Variants in DCLK1 observed in about 807,000 individuals in gnomAD.
DCLK1 encodes doublecortin like kinase 1.
In DCLK1, 16 loss-of-function variants were observed where a neutral mutation model predicts 86.2. That is an observed-to-expected ratio of 0.19 (90% CI 0.13 to 0.28). DCLK1 has a LOEUF of 0.28. DCLK1 is among the 10% of genes least tolerant of loss of function. The pLI is 1.00. For missense variants in DCLK1, 590 were observed against 940.2 expected (o/e 0.63, Z 4.87); for synonymous variants, 369 against 370.5 (o/e 1.00, Z 0.05).
intron 3 of DCLK1, among the ~76,000 whole-genome samples, chr13:36,006,976 TA>T (rs1881000589): frequency 6.6e-6 from 1 of 152,240 alleles, no homozygotes; most frequent in South Asian, 2.1e-4. Flanking sequence ...ATTCATAACA[TA>T]ATGCTTTCAA....
In DCLK1 at chr13:35,770,670, A is replaced by G. The variant is rs2086314767; in HGVS notation, c.*3865T>C. On this transcript the variant is annotated 3_prime_UTR_variant, in exon 17 of 17. Coordinates refer to ENST00000360631, the MANE Select transcript of DCLK1 (RefSeq NM_001330071.2). ...AAAAAATTATTGACTTACAAATTATAGAAAAGATATGTTATCTACAATATA... is the reference window on the plus strand; with the variant it reads ...AAAAAATTATTGACTTACAAATTATGGAAAAGATATGTTATCTACAATATA... 3 of 152,248 alleles carry G rather than the reference A, an allele frequency of 2.0e-5. No individual in the cohort carries two copies. In the South Asian group the frequency reaches 6.2e-4, roughly 31 times the overall value. The allele number at this position is 152,248 out of a possible 1,614,324, so 9.4% of individuals were successfully genotyped here.
At chr13:36,123,324 T>C (rs1351471121) in intron 2 of DCLK1, among the ~76,000 whole-genome samples, 2 of 152,212 alleles carry the variant, frequency 1.3e-5, no homozygotes, top group Non-Finnish European at 2.9e-5. Context: ...TGCATGCTAA[T>C]TGTCAGTGTT....
chr13:36,088,698 C>T (rs1049789660), intron 3 of DCLK1, among the ~76,000 whole-genome samples: 14 of 152,268 alleles, frequency 9.2e-5, no homozygotes, highest in Middle Eastern at 3.4e-3. Flanking sequence ...TCCCGATGTA[C>T]CTTGAGATTC....
intron 4 of DCLK1, among the ~76,000 whole-genome samples, chr13:35,902,794 A>G (rs1251203389): frequency 2.0e-5 from 3 of 152,104 alleles, no homozygotes; most frequent in Non-Finnish European, 4.4e-5. Context: ...AGCCCCCGAA[A>G]CAGTGACAAC....
intron 16 of DCLK1, among the ~76,000 whole-genome samples, chr13:35,776,400 A>G (rs1247647003): frequency 1.3e-5 from 2 of 152,204 alleles, no homozygotes; most frequent in Non-Finnish European, 2.9e-5. Context: ...GCCATAAAAA[A>G]TCTTTCTATT....
intron 3 of DCLK1, among the ~76,000 whole-genome samples, chr13:35,949,176 T>C (rs1003208065): frequency 2.0e-5 from 3 of 152,212 alleles, no homozygotes; most frequent in Admixed American, 6.5e-5. Flanking sequence ...GATTAATACG[T>C]TTTGTGCAAA....
chr13:35,878,444 C>T (rs1486789001), intron 4 of DCLK1, among the ~76,000 whole-genome samples: 2 of 151,820 alleles, frequency 1.3e-5, no homozygotes, highest in Admixed American at 6.6e-5. Flanking sequence ...CCCCAAGCTC[C>T]ACACGCAGCA....
intron 4 of DCLK1, among the ~76,000 whole-genome samples, chr13:35,943,349 C>T (rs1293306834): frequency 6.6e-6 from 1 of 152,144 alleles, no homozygotes; most frequent in East Asian, 1.9e-4. Flanking sequence ...TTTTGGACTT[C>T]TTGCCTTCAG....
intron 4 of DCLK1, among the ~76,000 whole-genome samples, chr13:35,894,002 A>G (rs1873796922): frequency 6.6e-6 from 1 of 152,196 alleles, no homozygotes; most frequent in Admixed American, 6.5e-5. Context: ...TACAATTACT[A>G]TAAAAATAAT....
At chr13:36,113,508 T>C (rs1292102604) in intron 2 of DCLK1, among the ~76,000 whole-genome samples, 1 of 152,186 alleles carries the variant, frequency 6.6e-6, no homozygotes, top group Non-Finnish European at 1.5e-5. Flanking sequence ...ATATGTATTT[T>C]TGATATTTTC....
chr13:35,943,518 T>TA (rs60224389), intron 4 of DCLK1, among the ~76,000 whole-genome samples: 2,499 of 152,030 alleles, frequency 0.016, 63 homozygotes, highest in East Asian at 0.055. Context: ...AACTAGTTGA[T>TA]AAAAAAACAG....
chr13:35,900,829 G>A (rs958821859), intron 4 of DCLK1, among the ~76,000 whole-genome samples: 4 of 152,050 alleles, frequency 2.6e-5, no homozygotes, highest in African/African-American at 7.2e-5. Context: ...GAGAAGGGCC[G>A]GATTATAGAA....
rs184230243 is a variant in DCLK1, at chr13:35,886,224, A to G, written c.824-14884T>C. On this transcript the variant is annotated intron_variant, in intron 4 of 16. Transcript: ENST00000360631. ...GACGGGGTTTCACTGTGTTAGCCAG[A>G]ATGGTCTTGATCTCCTGACCTCGTG... Among the ~76,000 whole-genome samples, 643 of 151,948 alleles carry G rather than the reference A, an allele frequency of 4.2e-3. 3 individuals carry two copies. Among genetic ancestry groups the G allele is most frequent in the Admixed American group, 8.7e-3 (133 of 15,242 alleles).
At chr13:36,123,966 T>C (rs1225047942) in intron 2 of DCLK1, among the ~76,000 whole-genome samples, 2 of 152,108 alleles carry the variant, frequency 1.3e-5, no homozygotes, top group African/African-American at 2.4e-5. Context: ...GTCATTGGAG[T>C]ATCTTCGGCC....
chr13:35,941,987 TC>T (rs1877108826), intron 4 of DCLK1, among the ~76,000 whole-genome samples: 1 of 152,054 alleles, frequency 6.6e-6, no homozygotes, highest in Non-Finnish European at 1.5e-5. Context: ...CTGGCTTTTT[TC>T]TTTCTATCTT....
intron 11 of DCLK1, among the ~76,000 whole-genome samples, chr13:35,817,588 C>T (rs949995435): frequency 6.6e-6 from 1 of 152,068 alleles, no homozygotes; most frequent in African/African-American, 2.4e-5. Flanking sequence ...GAAAGTTATC[C>T]CGTCCTCCAT....
At chr13:36,058,475 A>G (rs1593853695) in intron 3 of DCLK1, among the ~76,000 whole-genome samples, 1 of 152,330 alleles carries the variant, frequency 6.6e-6, no homozygotes, top group Non-Finnish European at 1.5e-5. Flanking sequence ...TGAAGCTAAC[A>G]TCAGAGGTAA....
At chr13:36,111,074 T>C (rs998874563) in intron 3 of DCLK1, among the ~76,000 whole-genome samples, 2 of 152,004 alleles carry the variant, frequency 1.3e-5, no homozygotes, top group African/African-American at 4.8e-5. Flanking sequence ...GACCTCGTGA[T>C]CCGCCTGCCT....
At chr13:35,992,852 A>G (rs1269960170) in intron 3 of DCLK1, among the ~76,000 whole-genome samples, 1 of 151,984 alleles carries the variant, frequency 6.6e-6, no homozygotes, top group African/African-American at 2.4e-5. Context: ...CTGGTCATTC[A>G]TTCCTTTATT....
Sources: allele counts gnomAD v4.1 joint callset (sites outside exome capture counted in the v4.1 genomes callset), GRCh38; gene constraint gnomAD v4.1.1; transcripts MANE v1.5; gene names NCBI Gene and HGNC (gene_info 2026-07-23, HGNC 2026-07-21).